LAMA1: variants seen among roughly 807,000 people sequenced by gnomAD.
LAMA1 encodes laminin subunit alpha-1.
LAMA1 carries 219 observed loss-of-function variants against 348.7 expected under a neutral mutation model. The observed-to-expected ratio is 0.63, with a 90% CI of 0.56 to 0.70. The LOEUF (loss-of-function observed/expected upper bound fraction) is 0.70. LAMA1 is among the 30% of genes least tolerant of loss of function. The probability of loss-of-function intolerance (pLI) is 0.00; values close to 1 mark genes in which losing one functional copy is unlikely to be tolerated. For missense variants in LAMA1, 3,744 were observed against 3,888.0 expected, an observed-to-expected ratio of 0.96 and a Z score of 0.99; for synonymous variants, 1,487 against 1,491.0, an observed-to-expected ratio of 1.00 and a Z score of 0.06.
intron 10 of LAMA1, among the ~76,000 whole-genome samples, chr18:7,039,775 G>T (rs2058012133): frequency 6.6e-6 from 1 of 152,230 alleles, no homozygotes; most frequent in East Asian, 1.9e-4. Context: ...CAGAGATGAG[G>T]CCCACAGAGG....
At chr18:6,989,626 G>A (rs189798284) in intron 36 of LAMA1, among the ~76,000 whole-genome samples, 137 of 150,400 alleles carry the variant, frequency 9.1e-4, no homozygotes, top group African/African-American at 3.0e-3. Context: ...CTCTTTAGTA[G>A]TATTTTAACT....
rs2057853661 is a variant in LAMA1, at chr18:7,010,286, C to T, written c.3787G>A (p.Gly1263Ser). The change falls in exon 26 of 63, where the codon GGT becomes AGT. Residue 1263 changes from glycine (G) to serine (S), a missense_variant. Transcript: ENST00000389658. Reference protein sequence around the residue: ...NFEPQVLIKGGRIRKQVIYMD... With the variant: ...NFEPQVLIKGSRIRKQVIYMD... ...TAAATGACTTGCTTTCTGATCCGAC[C>T]ACCTTTGATGAGAACTTGAGGCTCA... 3 of 1,614,034 alleles carry T rather than the reference C, an allele frequency of 1.9e-6. No homozygotes were observed. Among genetic ancestry groups the T allele is most frequent in the African/African-American group, 2.7e-5 (2 of 74,908 alleles).
chr18:7,096,440 G>A (rs748762948), intron 1 of LAMA1, among the ~76,000 whole-genome samples: 15 of 152,274 alleles, frequency 9.9e-5, no homozygotes, highest in Non-Finnish European at 1.8e-4. Flanking sequence ...ATTTTGAGAA[G>A]TCGGGGCAGG....
intron 9 of LAMA1, among the ~76,000 whole-genome samples, 154 bp from the exon 10 acceptor site, chr18:7,040,390 G>T (rs773122904): frequency 3.9e-5 from 6 of 152,094 alleles, no homozygotes; most frequent in Non-Finnish European, 8.8e-5. Context: ...AGCCATTATT[G>T]TTCGAACACA....
chr18:7,038,098 T>G (rs2058003459), intron 11 of LAMA1, among the ~76,000 whole-genome samples: 1 of 152,180 alleles, frequency 6.6e-6, no homozygotes, highest in Non-Finnish European at 1.5e-5. Flanking sequence ...GACTCCCTCT[T>G]CTTCGTTGCC....
At position 7,079,977 on chromosome 18, in the gene LAMA1, G is replaced by T; in HGVS notation, c.343C>A (p.Gln115Lys). ...TCAATGGTTCTGGGCTCACCTACCT[G>T]TCTTAAGTCCAGAGTGATTGTGACC... Reference protein sequence around the residue: ...HWVTITLDLRQVFQVAYVIIK... With the variant: ...HWVTITLDLRKVFQVAYVIIK... The change falls in exon 3 of 63, where the codon CAG (glutamine) becomes AAG (lysine). Residue 115 changes from glutamine (Q) to lysine (K), a missense_variant and splice_region_variant. Physicochemically the swap from Gln to Lys is moderately conservative, Grantham distance 53. Coordinates refer to ENST00000389658, the MANE Select transcript of LAMA1 (RefSeq NM_005559.4). The T allele has an allele frequency of 6.2e-7, 1 of 1,610,040 alleles. No homozygotes were observed. Among genetic ancestry groups the T allele is most frequent in the Non-Finnish European group, 8.5e-7 (1 of 1,176,254 alleles).
At chr18:7,000,065 T>A (rs151000564) in intron 30 of LAMA1, 68 bp from the exon 31 acceptor site, 1 of 1,149,360 alleles carries the variant, frequency 8.7e-7, no homozygotes, top group African/African-American at 1.5e-5. Context: ...AGGTACTTAT[T>A]CATTACTCTT....
intron 1 of LAMA1, among the ~76,000 whole-genome samples, chr18:7,101,858 T>G (rs1477455585): frequency 3.3e-4 from 38 of 116,652 alleles, no homozygotes; most frequent in South Asian, 1.0e-3. Context: ...TTTTTTTTTG[T>G]AGAGCTGGGG....
chr18:7,114,973 C>G (rs936318702), intron 1 of LAMA1, among the ~76,000 whole-genome samples: 2 of 152,048 alleles, frequency 1.3e-5, no homozygotes, highest in African/African-American at 4.8e-5. Flanking sequence ...GCTAGATTAA[C>G]TACAGATGTA....
At chr18:6,965,569 G>T in intron 49 of LAMA1, 137 bp from the exon 50 acceptor site, 3 of 998,114 alleles carry the variant, frequency 3.0e-6, no homozygotes, top group Non-Finnish European at 3.1e-6. Context: ...GAGGTCTATC[G>T]GCTACGAAAC....
intron 61 of LAMA1, among the ~76,000 whole-genome samples, chr18:6,943,831 G>A (rs1307202453): frequency 9.7e-6 from 1 of 102,870 alleles, no homozygotes; most frequent in Non-Finnish European, 1.8e-5. Context: ...CAACAAGAGC[G>A]AAACTCCATC....
intron 34 of LAMA1, among the ~76,000 whole-genome samples, chr18:6,994,593 C>T (rs921115790): frequency 1.6e-4 from 24 of 151,880 alleles, no homozygotes; most frequent in African/African-American, 5.1e-4. Flanking sequence ...ACTATACTTC[C>T]TAGGGTGATG....
Position 7,012,105 on chromosome 18 carries a change from G to T in LAMA1, c.3397C>A (p.Arg1133=), listed in dbSNP as rs767889331. Reference sequence around the variant, plus strand: ...GCGCGGAGAGCGAAGGTGCCCTCTCGACATTCGTTGCACTGAGGACCAAAG... The same window carrying T: ...GCGCGGAGAGCGAAGGTGCCCTCTCTACATTCGTTGCACTGAGGACCAAAG... ...NVFGPQCNEC[R]EGTFALRADN... The change falls in exon 24 of 63, where the codon CGA becomes AGA. Residue 1133 remains arginine (R), a synonymous_variant. Coordinates refer to ENST00000389658, the MANE Select transcript of LAMA1 (RefSeq NM_005559.4). 2 of 1,613,854 alleles carry T rather than the reference G, an allele frequency of 1.2e-6. No homozygotes were observed. The highest frequency in any genetic ancestry group is 1.1e-5 in the South Asian group (1 of 90,992).
chr18:7,026,381 T>C (rs1344520768), intron 16 of LAMA1, among the ~76,000 whole-genome samples: 1 of 152,208 alleles, frequency 6.6e-6, no homozygotes, highest in Admixed American at 6.5e-5. Context: ...TGACAGCAAG[T>C]GCTGCTTCGG....
At chr18:7,098,458 G>A (rs1205487802) in intron 1 of LAMA1, among the ~76,000 whole-genome samples, 9 of 151,138 alleles carry the variant, frequency 6.0e-5, no homozygotes, top group African/African-American at 1.5e-4. Context: ...GTCCCTGCCC[G>A]GCCGCCCATC....
In LAMA1 at chr18:7,091,853, C is replaced by T. The variant is rs528213831; in HGVS notation, c.62-11396G>A. Among the ~76,000 whole-genome samples, 214 of 152,294 alleles carry T rather than the reference C, an allele frequency of 1.4e-3. 1 individual carries two copies. The highest frequency in any genetic ancestry group is 2.8e-3 in the Non-Finnish European group (190 of 68,034). On this transcript the variant is annotated intron_variant, in intron 1 of 62. Transcript: ENST00000389658. ...AAAAATGTCCAGTGACCAGTACCTCCGATCAAATCATTTGGCACTTGAGAT... is the reference window on the plus strand; with the variant it reads ...AAAAATGTCCAGTGACCAGTACCTCTGATCAAATCATTTGGCACTTGAGAT...
chr18:6,982,493 T>C lies in LAMA1; in HGVS notation c.5890+4A>G. ...TGTCTACACCGTCCGAGCCACATACTGACCTGGAAGCTTCCTGCTGAGGTT... is the reference window on the plus strand; with the variant it reads ...TGTCTACACCGTCCGAGCCACATACCGACCTGGAAGCTTCCTGCTGAGGTT... On this transcript the variant is annotated splice_donor_region_variant and intron_variant, in intron 41 of 62. Coordinates refer to ENST00000389658, the MANE Select transcript of LAMA1 (RefSeq NM_005559.4). The C allele has an allele frequency of 1.9e-6, 3 of 1,613,898 alleles. No homozygotes were observed. Among genetic ancestry groups the C allele is most frequent in the Non-Finnish European group, 2.5e-6 (3 of 1,179,728 alleles).
At chr18:6,965,911 AGT>A in intron 49 of LAMA1, 1 of 533,696 alleles carries the variant, frequency 1.9e-6, no homozygotes, top group Non-Finnish European at 3.3e-6. Context: ...CTAGAAGGCT[AGT>A]TTCTACTTGG....
chr18:6,962,204 C>A, intron 51 of LAMA1, 145 bp from the exon 52 acceptor site: 1 of 697,952 alleles, frequency 1.4e-6, no homozygotes, highest in Admixed American at 2.3e-5. Context: ...GAAGGATTAC[C>A]TAAGCCCACG....
Sources: allele counts gnomAD v4.1 joint callset (sites outside exome capture counted in the v4.1 genomes callset), GRCh38; gene constraint gnomAD v4.1.1; transcripts MANE v1.5; gene names NCBI Gene and HGNC (gene_info 2026-07-23, HGNC 2026-07-21).